UBE2H: variants seen among roughly 807,000 people sequenced by gnomAD.
UBE2H encodes the protein ubiquitin conjugating enzyme E2 H.
A neutral mutation model predicts 29.0 loss-of-function variants in UBE2H; 3 were observed. The observed-to-expected ratio is 0.10, with a 90% CI of 0.05 to 0.27. The LOEUF is 0.27. Ranked by LOEUF, UBE2H falls within the 10% of genes least tolerant of loss-of-function variation. The pLI, the probability that UBE2H is intolerant of heterozygous loss-of-function variation, is 1.00. For missense variants in UBE2H, 68 were observed against 228.2 expected, an observed-to-expected ratio of 0.30 and a Z score of 4.52; for synonymous variants, 69 against 82.9, an observed-to-expected ratio of 0.83 and a Z score of 0.91.
Position 129,928,148 on chromosome 7 carries a change from C to T in UBE2H, c.53+24355G>A, listed in dbSNP as rs536559059. On this transcript the variant is annotated intron_variant, in intron 1 of 6. Transcript: ENST00000355621. The stretch of plus-strand genomic sequence containing the variant: ...GGGTTCAAGACCATCCTGGCCAACA[C>T]GGTGAAACCCTGTGCCTACTAAAAA... Among the ~76,000 whole-genome samples the T allele has an allele frequency of 2.0e-4, 31 of 151,530 alleles. No homozygotes were observed. In the South Asian group the frequency reaches 5.2e-3, roughly 26 times the overall value.
chr7:129,873,425 CTTT>C (rs373132869), intron 3 of UBE2H, among the ~76,000 whole-genome samples: 10 of 122,970 alleles, frequency 8.1e-5, no homozygotes, highest in Admixed American at 8.5e-5. Context: ...ACATCAAATT[CTTT>C]TTTTTTTTTT....
At chr7:129,938,824 G>C (rs1807585472) in intron 1 of UBE2H, among the ~76,000 whole-genome samples, 2 of 151,026 alleles carry the variant, frequency 1.3e-5, no homozygotes, top group Middle Eastern at 3.4e-3. Context: ...TTTTGAGACA[G>C]AGTCTCAGTC....
intron 1 of UBE2H, among the ~76,000 whole-genome samples, chr7:129,916,863 C>T (rs766002647): frequency 2.0e-5 from 3 of 152,052 alleles, no homozygotes; most frequent in Non-Finnish European, 4.4e-5. Context: ...CGGTGAAACC[C>T]CATCTCTACC....
intron 1 of UBE2H, among the ~76,000 whole-genome samples, chr7:129,890,811 T>C (rs949473493): frequency 6.6e-6 from 1 of 152,054 alleles, no homozygotes; most frequent in Admixed American, 6.6e-5. Context: ...CAATATATTA[T>C]AAACAGCTGG....
chr7:129,921,053 A>AT (rs746552820), intron 1 of UBE2H, among the ~76,000 whole-genome samples: 74 of 147,536 alleles, frequency 5.0e-4, no homozygotes, highest in South Asian at 1.9e-3. Flanking sequence ...ATTACACGTG[A>AT]TTTTTTTTTT....
chr7:129,881,013 T>A, intron 1 of UBE2H, 42 bp from the exon 2 acceptor site: 2 of 1,571,486 alleles, frequency 1.3e-6, no homozygotes, highest in Non-Finnish European at 8.7e-7. Context: ...CTTTACAGTA[T>A]CTGGCAGAAT....
chr7:129,912,444 T>C (rs1806955734), intron 1 of UBE2H, among the ~76,000 whole-genome samples: 1 of 151,998 alleles, frequency 6.6e-6, no homozygotes, highest in African/African-American at 2.4e-5. Flanking sequence ...CTCAAACTCC[T>C]GGGCTTGGCG....
intron 3 of UBE2H, among the ~76,000 whole-genome samples, chr7:129,868,163 C>T (rs1279052599): frequency 6.6e-6 from 1 of 152,164 alleles, no homozygotes; most frequent in Non-Finnish European, 1.5e-5. Context: ...GTCAGAATAA[C>T]CAGCTCAAAA....
At chr7:129,857,328 T>G in intron 5 of UBE2H, 183 bp downstream of exon 5, 1 of 615,530 alleles carries the variant, frequency 1.6e-6, no homozygotes, top group Non-Finnish European at 2.8e-6. Flanking sequence ...CTTCCACAGC[T>G]AAACTGATAT....
chr7:129,834,668 G>C lies in UBE2H; in HGVS notation c.*269C>G. 1 of 306,382 alleles carries C rather than the reference G, an allele frequency of 3.3e-6. No homozygotes were observed. Among genetic ancestry groups the C allele is most frequent in the Non-Finnish European group, 6.0e-6 (1 of 165,878 alleles). The allele number at this position is 306,382 out of a possible 1,614,324, so 19.0% of individuals were successfully genotyped here. A position where few individuals can be genotyped will look rare whatever the true frequency, so the allele number is the denominator to read the frequency against. On this transcript the variant is annotated 3_prime_UTR_variant, in exon 7 of 7. Coordinates refer to ENST00000355621, the MANE Select transcript of UBE2H (RefSeq NM_003344.4). ...TCGACAGTTCAGTAGCACACAGGCT[G>C]ACTTGGCCACATGGACTCATGAATG...
At chr7:129,915,483 G>A (rs760380990) in intron 1 of UBE2H, among the ~76,000 whole-genome samples, 5 of 152,122 alleles carry the variant, frequency 3.3e-5, no homozygotes, top group Non-Finnish European at 7.4e-5. Context: ...GCAGTGAGCC[G>A]AGATTGCGCC....
intron 1 of UBE2H, among the ~76,000 whole-genome samples, chr7:129,937,065 C>T (rs937008565): frequency 2.0e-5 from 3 of 151,464 alleles, no homozygotes; most frequent in Non-Finnish European, 2.9e-5. Context: ...GGTGGTGGCT[C>T]GCGCCTGTAG....
chr7:129,936,760 C>G (rs1448073315), intron 1 of UBE2H, among the ~76,000 whole-genome samples: 1 of 146,444 alleles, frequency 6.8e-6, no homozygotes, highest in African/African-American at 2.6e-5. Context: ...AGTTCGAGAC[C>G]AGCCTAGAGC....
intron 1 of UBE2H, among the ~76,000 whole-genome samples, chr7:129,907,633 G>A (rs1009345905): frequency 6.6e-5 from 10 of 152,144 alleles, no homozygotes; most frequent in Admixed American, 2.6e-4. Context: ...GGTAGATGAC[G>A]GATGCAAAGC....
intron 1 of UBE2H, among the ~76,000 whole-genome samples, chr7:129,913,629 C>T (rs1009097776): frequency 3.3e-5 from 5 of 152,174 alleles, no homozygotes; most frequent in Non-Finnish European, 7.3e-5. Flanking sequence ...GATGAGGAAA[C>T]TGAGCCTCAG....
chr7:129,865,060 A>G (rs1410588424), intron 3 of UBE2H: 1 of 443,342 alleles, frequency 2.3e-6, no homozygotes, highest in Admixed American at 2.5e-5. Context: ...TAGGTAATTT[A>G]TAATTCTGGA....
chr7:129,895,805 C>T (rs574939514), intron 1 of UBE2H, among the ~76,000 whole-genome samples: 33 of 151,992 alleles, frequency 2.2e-4, no homozygotes, highest in South Asian at 1.9e-3. Context: ...AGGAGAATGG[C>T]GTGGAGCTTG....
intron 5 of UBE2H, among the ~76,000 whole-genome samples, chr7:129,854,787 A>G (rs1204602534): frequency 6.6e-6 from 1 of 152,244 alleles, no homozygotes; most frequent in Non-Finnish European, 1.5e-5. Flanking sequence ...ATAATAGCCA[A>G]AAGACAGCAA....
At chr7:129,946,528 T>C (rs1412913839) in intron 1 of UBE2H, among the ~76,000 whole-genome samples, 1 of 152,228 alleles carries the variant, frequency 6.6e-6, no homozygotes, top group Admixed American at 6.5e-5. Flanking sequence ...TCTTAAACAG[T>C]GGTCCTGGAC....
Sources: gnomAD v4.1 joint callset for allele counts (sites outside exome capture counted in the v4.1 genomes callset) on GRCh38, gnomAD v4.1.1 for gene constraint, MANE v1.5 for transcripts, NCBI Gene and HGNC (gene_info 2026-07-23, HGNC 2026-07-21) for gene names.